The following ANTXR2 variants were observed in gnomAD, a reference collection of about 807,000 sequenced individuals.
ANTXR2 encodes the protein ANTXR cell adhesion molecule 2, also known as anthrax toxin receptor 2.
A neutral mutation model predicts 73.7 loss-of-function variants in ANTXR2; 44 were observed. That is an observed-to-expected ratio of 0.60 (90% CI 0.47 to 0.77). The LOEUF is 0.77. ANTXR2 is among the 30% of genes least tolerant of loss of function. ANTXR2 has a pLI of 0.00. For synonymous variants in ANTXR2, 217 were observed against 205.9 expected, an observed-to-expected ratio of 1.05 and a Z score of -0.46; for missense variants, 604 against 592.5, an observed-to-expected ratio of 1.02 and a Z score of -0.20.
At chr4:80,063,592 AT>A (rs1734365238) in intron 3 of ANTXR2, among the ~76,000 whole-genome samples, 1 of 151,960 alleles carries the variant, frequency 6.6e-6, no homozygotes, top group Admixed American at 6.6e-5. Context: ...CTTTTCTTGC[AT>A]TTTCAATCAC....
chr4:79,915,337 A>G (rs930811133), intron 16 of ANTXR2, among the ~76,000 whole-genome samples: 1 of 152,190 alleles, frequency 6.6e-6, no homozygotes, highest in Non-Finnish European at 1.5e-5. Context: ...TAATAGCAGC[A>G]TTAACCAGAG....
chr4:79,985,042 C>T (rs974153321), intron 12 of ANTXR2, among the ~76,000 whole-genome samples, 179 bp from the exon 13 acceptor site: 11 of 151,990 alleles, frequency 7.2e-5, no homozygotes, highest in African/African-American at 1.2e-4. Flanking sequence ...AACTAGCTTT[C>T]GGCAAATAGA....
intron 14 of ANTXR2, among the ~76,000 whole-genome samples, chr4:79,983,431 G>A (rs1358785704): frequency 6.6e-6 from 1 of 152,026 alleles, no homozygotes; most frequent in African/African-American, 2.4e-5. Flanking sequence ...CTAACATAAA[G>A]TATTAAATGT....
chr4:80,024,331 T>A (rs1732315138), intron 10 of ANTXR2, among the ~76,000 whole-genome samples: 1 of 152,158 alleles, frequency 6.6e-6, no homozygotes, highest in Admixed American at 6.5e-5. Context: ...TTTGTAGACA[T>A]TTGGATAGGA....
At chr4:79,953,176 A>C (rs1397611042) in intron 16 of ANTXR2, among the ~76,000 whole-genome samples, 1 of 152,310 alleles carries the variant, frequency 6.6e-6, no homozygotes, top group South Asian at 2.1e-4. Context: ...TTCTCATCAA[A>C]AAAATAGCTG....
chr4:79,935,007 T>C lies in ANTXR2; in HGVS notation c.1429-27540A>G, dbSNP rs151082322. ...TACCTAATGTTAAATGACAAGTTGA[T>C]GGGTGCAGCACACCAACATGGCACA... On this transcript the variant is annotated intron_variant, in intron 16 of 16. Transcript: ENST00000403729. Among the ~76,000 whole-genome samples, 592 of 152,122 alleles carry C rather than the reference T, an allele frequency of 3.9e-3. 3 individuals carry two copies. The highest frequency in any genetic ancestry group is 0.013 in the African/African-American group (554 of 41,490).
intron 7 of ANTXR2, among the ~76,000 whole-genome samples, chr4:80,042,532 C>T (rs1292649592): frequency 6.6e-6 from 1 of 151,976 alleles, no homozygotes; most frequent in Non-Finnish European, 1.5e-5. Flanking sequence ...GCTAGACACA[C>T]ACAGTTACTT....
chr4:80,068,208 CT>C (rs1456874254), intron 3 of ANTXR2, among the ~76,000 whole-genome samples: 1 of 152,048 alleles, frequency 6.6e-6, no homozygotes, highest in African/African-American at 2.4e-5. Context: ...ATTTCTTGAC[CT>C]TTTCAAGGGA....
At chr4:80,067,099 G>A (rs189609271) in intron 3 of ANTXR2, among the ~76,000 whole-genome samples, 102 of 152,192 alleles carry the variant, frequency 6.7e-4, no homozygotes, top group African/African-American at 7.2e-4. Flanking sequence ...TCAGCTACGC[G>A]GGAGGCTGAG....
At chr4:79,911,034 G>A (rs896031569) in intron 16 of ANTXR2, among the ~76,000 whole-genome samples, 2 of 152,136 alleles carry the variant, frequency 1.3e-5, no homozygotes, top group Non-Finnish European at 2.9e-5. Context: ...AGATAGCATC[G>A]TCCTTCAACT....
intron 16 of ANTXR2, among the ~76,000 whole-genome samples, chr4:79,924,311 G>A (rs888060816): frequency 6.6e-6 from 1 of 151,980 alleles, no homozygotes; most frequent in Non-Finnish European, 1.5e-5. Flanking sequence ...AATTTTAAAA[G>A]GTTAAAAACA....
chr4:79,918,752 A>G (rs1727453628), intron 16 of ANTXR2, among the ~76,000 whole-genome samples: 1 of 152,128 alleles, frequency 6.6e-6, no homozygotes, highest in South Asian at 2.1e-4. Flanking sequence ...GAAGAAATAG[A>G]GAAACAGAAT....
In ANTXR2 at chr4:80,031,650, G is replaced by A. The variant is rs1732700442; in HGVS notation, c.839C>T (p.Pro280Leu). The change falls in exon 10 of 17, where the codon CCT becomes CTT. Residue 280 changes from proline (P) to leucine (L), a missense_variant. Transcript: ENST00000403729. ...VSVQLNSMLC[P>L]APILNKAGET... ...TCCAGCTTTATTCAGGATAGGTGCA[G>A]GACAAAGCATAGAATTAAGCTGTAC... 1 of 1,528,926 alleles carries A rather than the reference G, an allele frequency of 6.5e-7. No individual in the cohort carries two copies. Among genetic ancestry groups the A allele is most frequent in the Admixed American group, 2.3e-5 (1 of 44,248 alleles). 94.7% of individuals were successfully genotyped at this position (1,528,926 alleles called of 1,614,324 possible).
intron 16 of ANTXR2, among the ~76,000 whole-genome samples, chr4:79,943,743 A>T (rs77331798): frequency 0.35 from 53,131 of 149,992 alleles, 11,378 homozygotes; most frequent in Non-Finnish European, 0.47. Context: ...AATAAAAAAA[A>T]AAATAAATAA....
intron 7 of ANTXR2, among the ~76,000 whole-genome samples, chr4:80,039,319 A>C (rs1216423108): frequency 6.6e-6 from 1 of 152,142 alleles, no homozygotes; most frequent in Non-Finnish European, 1.5e-5. Flanking sequence ...ACCATGTTCC[A>C]ATATTAAGAA....
chr4:79,912,282 G>A (rs980173264), intron 16 of ANTXR2, among the ~76,000 whole-genome samples: 13 of 151,824 alleles, frequency 8.6e-5, no homozygotes, highest in Non-Finnish European at 1.9e-4. Context: ...TGTTGTAGCT[G>A]ACCTTTCTCC....
chr4:80,055,889 A>T (rs1184665594), intron 4 of ANTXR2, 43 bp downstream of exon 4: 1 of 1,342,708 alleles, frequency 7.4e-7, no homozygotes, highest in African/African-American at 1.5e-5. Context: ...CCACAGAATA[A>T]GAAAGCATTC....
chr4:80,027,739 C>A lies in ANTXR2; in HGVS notation c.866+3884G>T, dbSNP rs115373797. 5.1e-3 allele frequency among the ~76,000 whole-genome samples: 782 copies of A among 152,214 alleles called. 2 individuals are homozygous for A. Among genetic ancestry groups the A allele is most frequent in the Non-Finnish European group, 8.8e-3 (597 of 68,002 alleles). On this transcript the variant is annotated intron_variant, in intron 10 of 16. Coordinates refer to ENST00000403729, the MANE Select transcript of ANTXR2 (RefSeq NM_058172.6). The stretch of plus-strand genomic sequence containing the variant: ...CACAATGTGTTTATGTATATTTACC[C>A]AATTTGCTCTGTTCTTCTTGCCAAA...
chr4:79,945,658 T>C (rs1728490392), intron 16 of ANTXR2, among the ~76,000 whole-genome samples: 2 of 152,160 alleles, frequency 1.3e-5, no homozygotes, highest in Non-Finnish European at 2.9e-5. Context: ...AATTCTTTTA[T>C]AGTATTCATT....
Sources: gnomAD v4.1 joint callset for allele counts (sites outside exome capture counted in the v4.1 genomes callset) on GRCh38, gnomAD v4.1.1 for gene constraint, MANE v1.5 for transcripts, NCBI Gene and HGNC (gene_info 2026-07-23, HGNC 2026-07-21) for gene names.